Variants in CAMK2D observed in about 807,000 individuals in gnomAD.
CAMK2D encodes the protein calcium/calmodulin dependent protein kinase II delta, also known as calcium/calmodulin-dependent protein kinase type II subunit delta.
In CAMK2D, 37 loss-of-function variants were observed where a neutral mutation model predicts 84.0. That is an observed-to-expected ratio of 0.44 (90% CI 0.34 to 0.58). CAMK2D has a LOEUF of 0.58. Ranked by LOEUF, CAMK2D falls within the 20% of genes least tolerant of loss-of-function variation. The pLI is 0.02. For missense variants in CAMK2D, 448 were observed against 652.5 expected (o/e 0.69, Z 3.41); for synonymous variants, 202 against 212.5 (o/e 0.95, Z 0.43).
intron 3 of CAMK2D, among the ~76,000 whole-genome samples, chr4:113,634,327 C>T (rs1249584909): frequency 3.3e-5 from 5 of 152,248 alleles, no homozygotes; most frequent in Middle Eastern, 3.4e-3. Context: ...GAAAAGGTAT[C>T]GACTTTATGG....
intron 3 of CAMK2D, among the ~76,000 whole-genome samples, chr4:113,650,237 C>T (rs1003292627): frequency 4.0e-5 from 6 of 150,580 alleles, no homozygotes; most frequent in Admixed American, 6.6e-5. Context: ...AGAAATTAGA[C>T]GGCTGGGTGT....
chr4:113,726,671 GC>G (rs2099546968), intron 2 of CAMK2D, among the ~76,000 whole-genome samples: 1 of 152,010 alleles, frequency 6.6e-6, no homozygotes, highest in East Asian at 1.9e-4. Context: ...CTCCCAAAGT[GC>G]TGGGATTATA....
intron 2 of CAMK2D, among the ~76,000 whole-genome samples, chr4:113,696,195 GACAC>G (rs56784441): frequency 0.69 from 99,532 of 144,518 alleles, 37,618 homozygotes; most frequent in Non-Finnish European, 0.84. Flanking sequence ...CAGACACACA[GACAC>G]ACACACACAC....
chr4:113,714,585 C>T (rs1428704879), intron 2 of CAMK2D, among the ~76,000 whole-genome samples: 1 of 152,030 alleles, frequency 6.6e-6, no homozygotes, highest in African/African-American at 2.4e-5. Flanking sequence ...CCCATACCTT[C>T]CCTATACCAG....
At chr4:113,494,865 G>A (rs535140173) in intron 16 of CAMK2D, among the ~76,000 whole-genome samples, 8 of 152,172 alleles carry the variant, frequency 5.3e-5, no homozygotes, top group South Asian at 2.1e-4. Context: ...TAAGCCCGTC[G>A]GAAAAGCGCA....
At chr4:113,529,944 A>C (rs2098447013) in intron 8 of CAMK2D, among the ~76,000 whole-genome samples, 2 of 152,244 alleles carry the variant, frequency 1.3e-5, no homozygotes, top group African/African-American at 4.8e-5. Context: ...TGGCAGCATT[A>C]GCATCACCTG....
intron 2 of CAMK2D, among the ~76,000 whole-genome samples, chr4:113,686,118 A>C (rs1234291963): frequency 6.6e-6 from 1 of 152,170 alleles, no homozygotes; most frequent in Non-Finnish European, 1.5e-5. Context: ...ATGCCAAGTC[A>C]CTAAAATGTA....
chr4:113,560,182 G>A (rs973877543), intron 4 of CAMK2D, among the ~76,000 whole-genome samples: 2 of 151,960 alleles, frequency 1.3e-5, no homozygotes, highest in African/African-American at 4.8e-5. Context: ...CGGATACCAG[G>A]ACATCCCCTA....
intron 17 of CAMK2D, 99 bp downstream of exon 17, chr4:113,465,430 G>T: frequency 1.4e-6 from 1 of 739,968 alleles, no homozygotes; most frequent in Non-Finnish European, 2.3e-6. Flanking sequence ...ATCAAACCTT[G>T]AATTAAATAT....
intron 7 of CAMK2D, among the ~76,000 whole-genome samples, chr4:113,534,706 A>T (rs2098478299): frequency 6.6e-6 from 1 of 152,212 alleles, no homozygotes; most frequent in African/African-American, 2.4e-5. Flanking sequence ...TCACACCAAG[A>T]CAATTTTGAA....
chr4:113,477,064 T>C (rs1055564655), intron 16 of CAMK2D, among the ~76,000 whole-genome samples: 14 of 152,178 alleles, frequency 9.2e-5, no homozygotes, highest in African/African-American at 3.4e-4. Context: ...TCTTCCTGCT[T>C]GGATGCCCTG....
chr4:113,707,032 C>A (rs1244841669), intron 2 of CAMK2D, among the ~76,000 whole-genome samples: 1 of 151,900 alleles, frequency 6.6e-6, no homozygotes, highest in Non-Finnish European at 1.5e-5. Context: ...TAAAGGCTGG[C>A]CACGTGCGAG....
intron 12 of CAMK2D, among the ~76,000 whole-genome samples, chr4:113,511,113 AATAC>A (rs2098206991): frequency 6.6e-6 from 1 of 152,138 alleles, no homozygotes; most frequent in African/African-American, 2.4e-5. Flanking sequence ...CCTCACAAGA[AATAC>A]ATTCCACATA....
At chr4:113,702,136 T>C (rs1205726552) in intron 2 of CAMK2D, among the ~76,000 whole-genome samples, 2 of 152,234 alleles carry the variant, frequency 1.3e-5, no homozygotes, top group African/African-American at 4.8e-5. Flanking sequence ...ACATTCATAA[T>C]ACTGTCACTT....
At chr4:113,591,610 T>G (rs529728281) in intron 4 of CAMK2D, among the ~76,000 whole-genome samples, 1 of 152,220 alleles carries the variant, frequency 6.6e-6, no homozygotes, top group Non-Finnish European at 1.5e-5. Flanking sequence ...CACATTTTAA[T>G]GCAAGGATGG....
intron 3 of CAMK2D, among the ~76,000 whole-genome samples, chr4:113,642,462 T>A (rs1348039095): frequency 6.6e-6 from 1 of 152,204 alleles, no homozygotes; most frequent in East Asian, 1.9e-4. Context: ...GAATGTCCAC[T>A]CACCTCCATT....
At chr4:113,584,352 T>A (rs1263583292) in intron 4 of CAMK2D, among the ~76,000 whole-genome samples, 3 of 152,128 alleles carry the variant, frequency 2.0e-5, no homozygotes, top group Non-Finnish European at 2.9e-5. Context: ...GAAGGCTGTG[T>A]GAGTTGTAGA....
At chr4:113,585,418 C>T (rs2098829384) in intron 4 of CAMK2D, among the ~76,000 whole-genome samples, 3 of 152,118 alleles carry the variant, frequency 2.0e-5, no homozygotes, top group African/African-American at 7.2e-5. Flanking sequence ...CACACATATA[C>T]ATGTGTGTAT....
intron 2 of CAMK2D, among the ~76,000 whole-genome samples, chr4:113,713,626 C>A (rs1261805958): frequency 1.3e-5 from 2 of 150,510 alleles, no homozygotes; most frequent in East Asian, 3.9e-4. Flanking sequence ...TGTCAACCTG[C>A]ATTTTTTAAC....
Sources: gnomAD v4.1 joint callset for allele counts (sites outside exome capture counted in the v4.1 genomes callset) on GRCh38, gnomAD v4.1.1 for gene constraint, MANE v1.5 for transcripts, NCBI Gene and HGNC (gene_info 2026-07-23, HGNC 2026-07-21) for gene names.